The following GRINA variants were observed in gnomAD, a reference collection of about 807,000 sequenced individuals.
GRINA encodes the protein glutamate ionotropic receptor NMDA type subunit associated protein 1, also known as protein lifeguard 1.
In GRINA, 26 loss-of-function variants were observed where a neutral mutation model predicts 42.5. The observed-to-expected ratio is 0.61, with a 90% confidence interval of 0.45 to 0.85. The LOEUF (loss-of-function observed/expected upper bound fraction) is 0.85, where lower values mean the gene tolerates loss of function less well. Among genes scored for constraint, GRINA ranks in the 40% least tolerant of loss-of-function variants. GRINA has a pLI of 0.00. For missense variants in GRINA, 475 were observed against 481.5 expected, an observed-to-expected ratio of 0.99 and a Z score of 0.13; for synonymous variants, 256 against 204.2, an observed-to-expected ratio of 1.25 and a Z score of -2.17.
In GRINA at chr8:143,992,971, C is replaced by G. The variant is rs896812869; in HGVS notation, c.*130C>G. The G allele has an allele frequency of 8.7e-5, 64 of 732,262 alleles. No homozygotes were observed. The highest frequency in any genetic ancestry group is 1.3e-4 in the Non-Finnish European group (59 of 445,850). The allele number at this position is 732,262 out of a possible 1,614,324, so 45.4% of individuals were successfully genotyped here. A position where few individuals can be genotyped will look rare whatever the true frequency, so the allele number is the denominator to read the frequency against. Reference sequence around the variant, plus strand: ...ACAGCCTAGGGAAAAGGATGCCTCTCTCCAACCCTCCTGTATGTACACTGC... The same window carrying G: ...ACAGCCTAGGGAAAAGGATGCCTCTGTCCAACCCTCCTGTATGTACACTGC... On this transcript the variant is annotated 3_prime_UTR_variant, in exon 7 of 7. Transcript: ENST00000395068.
Position 143,993,230 on chromosome 8 carries a change from G to A in GRINA, c.*389G>A, listed in dbSNP as rs373972536. The stretch of plus-strand genomic sequence containing the variant: ...CCTCCTGTCCCAGCTCCCCAGCCTG[G>A]CGTAGAGCACCCCTCCCCTCCCCCC... On this transcript the variant is annotated 3_prime_UTR_variant, in exon 7 of 7. Coordinates refer to ENST00000395068, the MANE Select transcript of GRINA (RefSeq NM_001009184.2). 1.3e-3 allele frequency: 331 copies of A among 256,396 alleles called. 5 individuals are homozygous for A. The South Asian group carries it at 0.015, about 12-fold the overall frequency. The allele number at this position is 256,396 out of a possible 1,614,324, so 15.9% of individuals were successfully genotyped here.
chr8:143,991,999 C>G lies in GRINA; in HGVS notation c.614C>G (p.Ala205Gly). The change falls in exon 4 of 7, where the codon GCT (alanine) becomes GGT (glycine). Residue 205 changes from alanine to glycine, a missense_variant. By Grantham distance (60) the Ala-to-Gly change is moderately conservative. This residue lies in a region of GRINA where 321 missense variants were observed against 267.2 expected (regional missense o/e 1.20). Coordinates refer to ENST00000395068, the MANE Select transcript of GRINA (RefSeq NM_001009184.2). ...ENVWTYYVSYAVFFISLIVLS... is the reference protein window; with the variant it reads ...ENVWTYYVSYGVFFISLIVLS... The stretch of plus-strand genomic sequence containing the variant: ...GTCTGGACCTACTATGTCTCCTATG[C>G]TGTCTTCTTCATCTCTCTCATCGTC... 6.2e-7 allele frequency: 1 copy of G among 1,613,804 alleles called. No individual in the cohort carries two copies. The highest frequency in any genetic ancestry group is 8.5e-7 in the Non-Finnish European group (1 of 1,179,808).
At position 143,991,376 on chromosome 8, in the gene GRINA, C is replaced by T. The variant is rs782080494; in HGVS notation, c.153C>T (p.Pro51=). ...PYPQPPFQPS[P]YGQPGYPHGP... ...CACAGCCCCCTTTCCAGCCCTCCCC[C>T]TACGGTCAGCCAGGGTACCCCCATG... Residue 51 remains proline, a synonymous_variant, in exon 2 of 7, where the codon CCC becomes CCT. Coordinates refer to ENST00000395068, the MANE Select transcript of GRINA (RefSeq NM_001009184.2). 6.6e-6 allele frequency: 8 copies of T among 1,210,022 alleles called. 1 individual carries two copies. The South Asian group carries it at 1.2e-4, about 18-fold the overall frequency. 75.0% of individuals were successfully genotyped at this position (1,210,022 alleles called of 1,614,324 possible).
In GRINA at chr8:143,993,115, A is replaced by G. The variant is rs1834128627; in HGVS notation, c.*274A>G. The G allele has an allele frequency of 2.3e-6, 1 of 426,136 alleles. No individual in the cohort carries two copies. Among genetic ancestry groups the G allele is most frequent in the East Asian group, 4.5e-5 (1 of 22,152 alleles). 26.4% of individuals were successfully genotyped at this position (426,136 alleles called of 1,614,324 possible). ...CCTCCTGTCTACTCATTGTTGCATG[A>G]GCCCTGTCTGCCAGCCCACCCCAGG... On this transcript the variant is annotated 3_prime_UTR_variant, in exon 7 of 7. Coordinates refer to ENST00000395068, the MANE Select transcript of GRINA (RefSeq NM_001009184.2).
Position 143,992,083 on chromosome 8 carries a change from C to T in GRINA, c.693+5C>T. ...CCCTGGAACCTTGTTGCACTGGTAACCCCCAAACCTGAGCCTCTGTGCCTG... is the reference window on the plus strand; with the variant it reads ...CCCTGGAACCTTGTTGCACTGGTAATCCCCAAACCTGAGCCTCTGTGCCTG... On this transcript the variant is annotated splice_donor_5th_base_variant and intron_variant, in intron 4 of 6. Transcript: ENST00000395068. 1 of 1,612,844 alleles carries T rather than the reference C, an allele frequency of 6.2e-7. No homozygotes were observed. Among genetic ancestry groups the T allele is most frequent in the Non-Finnish European group, 8.5e-7 (1 of 1,178,922 alleles).
Position 143,991,696 on chromosome 8 carries a change from C to G in GRINA, c.384C>G (p.Pro128=). Residue 128 remains proline, a synonymous_variant, in exon 3 of 7, where the codon CCC becomes CCG. Transcript: ENST00000395068. ...QVFPGQDPDS[P]QHGNYQEEGP... ...CCCAGCCTGTCTGCTTCTCAGCACC[C>G]CAGCATGGAAACTACCAGGAGGAGG... 6.2e-7 allele frequency: 1 copy of G among 1,611,522 alleles called. No individual in the cohort carries two copies. The highest frequency in any genetic ancestry group is 1.7e-5 in the Admixed American group (1 of 60,008).
chr8:143,992,331 C>A lies in GRINA; in HGVS notation c.780C>A (p.Ile260=). ...AGGCAGTCATCATGGCCGTGGGCATCACCACAGCCGTCTGCTTCACCGTCG... is the reference window on the plus strand; with the variant it reads ...AGGCAGTCATCATGGCCGTGGGCATAACCACAGCCGTCTGCTTCACCGTCG... ...NTEAVIMAVG[I]TTAVCFTVVI... is the part of the protein sequence containing the mutation. Residue 260 remains isoleucine, a synonymous_variant, in exon 5 of 7, where the codon ATC becomes ATA. Coordinates refer to ENST00000395068, the MANE Select transcript of GRINA (RefSeq NM_001009184.2). 1.3e-6 allele frequency: 2 copies of A among 1,588,574 alleles called. No individual in the cohort carries two copies. The highest frequency in any genetic ancestry group is 1.1e-5 in the South Asian group (1 of 87,452).
At chr8:143,991,035 G>T (rs558187928) in intron 1 of GRINA, 165 bp from the exon 2 acceptor site, 3 of 445,966 alleles carry the variant, frequency 6.7e-6, no homozygotes, top group Non-Finnish European at 8.0e-6. Flanking sequence ...GTCCTCACGC[G>T]CTTCTCCGGG....
chr8:143,991,340 G>C lies in GRINA; in HGVS notation c.117G>C (p.Gly39=). 7.2e-7 allele frequency: 1 copy of C among 1,381,466 alleles called. No individual in the cohort carries two copies. Among genetic ancestry groups the C allele is most frequent in the South Asian group, 1.4e-5 (1 of 70,942 alleles). The allele number at this position is 1,381,466 out of a possible 1,614,324, so 85.6% of individuals were successfully genotyped here. Residue 39 remains glycine, a synonymous_variant, in exon 2 of 7, where the codon GGG becomes GGC. Transcript: ENST00000395068. ...CCTATGCTCAGCCTCCCTACCCTGG[G>C]GCCCCTTACCCACAGCCCCCTTTCC... The part of the protein sequence containing the change: ...MPPYAQPPYP[G]APYPQPPFQP...
Position 143,990,391 on chromosome 8 carries a change from C to T in GRINA, c.-25+192C>T, listed in dbSNP as rs1834071041. The T allele has an allele frequency of 6.6e-6, 1 of 151,446 alleles. No individual in the cohort carries two copies. Among genetic ancestry groups the T allele is most frequent in the Non-Finnish European group, 1.5e-5 (1 of 67,618 alleles). 9.4% of individuals were successfully genotyped at this position (151,446 alleles called of 1,614,324 possible). On this transcript the variant is annotated intron_variant, in intron 1 of 6. Coordinates refer to ENST00000395068, the MANE Select transcript of GRINA (RefSeq NM_001009184.2). This position sits in a 1 kb window ranked among gnomAD's most constrained non-coding sequence, Gnocchi z 5.6. ...CGGTGGTGGGGGCGGGGAGCCGCGGCGGCCTGGAGCCGGAGGGAGGGGGCG... is the reference window on the plus strand; with the variant it reads ...CGGTGGTGGGGGCGGGGAGCCGCGGTGGCCTGGAGCCGGAGGGAGGGGGCG...
At position 143,991,180 on chromosome 8, in the gene GRINA, TC is replaced by T. The variant is rs782081768; in HGVS notation, c.-24-18del. On this transcript the variant is annotated intron_variant, in intron 1 of 6. Coordinates refer to ENST00000395068, the MANE Select transcript of GRINA (RefSeq NM_001009184.2). ...GTCGTCAAGCCAACTGTTCCACTGT[TC>T]CTTGTCTGTCTTCTCTAGGGGCGGA... 146 of 1,463,622 alleles carry T rather than the reference TC, an allele frequency of 1.0e-4. No homozygotes were observed. The highest frequency in any genetic ancestry group is 1.2e-4 in the Non-Finnish European group (129 of 1,088,154). The allele number at this position is 1,463,622 out of a possible 1,614,324, so 90.7% of individuals were successfully genotyped here.
chr8:143,992,910 T>C lies in GRINA; in HGVS notation c.*69T>C. 1 of 1,389,018 alleles carries C rather than the reference T, an allele frequency of 7.2e-7. No homozygotes were observed. The highest frequency in any genetic ancestry group is 1.0e-6 in the Non-Finnish European group (1 of 1,002,248). 86.0% of individuals were successfully genotyped at this position (1,389,018 alleles called of 1,614,324 possible). A position where few individuals can be genotyped will look rare whatever the true frequency, so the allele number is the denominator to read the frequency against. ...CTGGACCCTGCCCCTGGCACGGCAG[T>C]GCCAGCTGTACTTCCCCTCTCTCTT... On this transcript the variant is annotated 3_prime_UTR_variant, in exon 7 of 7. Transcript: ENST00000395068.
In GRINA at chr8:143,991,548, T is replaced by G; in HGVS notation, c.325T>G (p.Phe109Val). 1 of 1,302,308 alleles carries G rather than the reference T, an allele frequency of 7.7e-7. No homozygotes were observed. The highest frequency in any genetic ancestry group is 1.1e-6 in the Non-Finnish European group (1 of 919,274). 80.7% of individuals were successfully genotyped at this position (1,302,308 alleles called of 1,614,324 possible). ...YPQGPYPQSP[F>V]PPNPYGQPQV... ...CCAGGGGCCATATCCCCAGAGCCCC[T>G]TCCCCCCCAACCCCTATGGACAGCC... is the stretch of plus-strand genomic sequence containing the variant. Residue 109 changes from phenylalanine to valine, a missense_variant, in exon 2 of 7, where the codon TTC (phenylalanine) becomes GTC (valine). This residue lies in a region of GRINA where 321 missense variants were observed against 267.2 expected (regional missense o/e 1.20). Transcript: ENST00000395068.
chr8:143,991,437 G>T lies in GRINA; in HGVS notation c.214G>T (p.Gly72Cys). The change falls in exon 2 of 7, where the codon GGT (glycine) becomes TGT (cysteine). Residue 72 changes from glycine (G) to cysteine (C), a missense_variant. Transcript: ENST00000395068. ...CTACCCCCAAGGGGGCTACCCACAG[G>T]GTCCCTACCCCCAAGGGGGCTACCC... The part of the protein sequence containing the change: ...SPYPQGGYPQ[G>C]PYPQGGYPQG... 1 of 1,453,140 alleles carries T rather than the reference G, an allele frequency of 6.9e-7. No homozygotes were observed. Among genetic ancestry groups the T allele is most frequent in the East Asian group, 2.5e-5 (1 of 40,186 alleles). 90.0% of individuals were successfully genotyped at this position (1,453,140 alleles called of 1,614,324 possible). A position where few individuals can be genotyped will look rare whatever the true frequency, so the allele number is the denominator to read the frequency against.
rs782584550 is a variant in GRINA at position 143,991,218 on chromosome 8, G to A, written c.-6G>A. ...TCTCTAGGGGCGGACCGCGGAACCC[G>A]AGGCCATGTCCCATGAAAAGAGTTT... is the stretch of plus-strand genomic sequence containing the variant. On this transcript the variant is annotated 5_prime_UTR_variant, in exon 2 of 7. Coordinates refer to ENST00000395068, the MANE Select transcript of GRINA (RefSeq NM_001009184.2). The A allele has an allele frequency of 7.7e-6, 12 of 1,567,716 alleles. No homozygotes were observed. Among genetic ancestry groups the A allele is most frequent in the East Asian group, 2.4e-5 (1 of 41,628 alleles).
At position 143,991,471 on chromosome 8, in the gene GRINA, CCTACCCACAAGAGGG is replaced by C. The variant is rs1229805942; in HGVS notation, c.258_272del (p.Glu87_Gln91del). 5 of 1,508,530 alleles carry C rather than the reference CCTACCCACAAGAGGG, an allele frequency of 3.3e-6. No homozygotes were observed. The highest frequency in any genetic ancestry group is 4.4e-6 in the Non-Finnish European group (5 of 1,133,552). The allele number at this position is 1,508,530 out of a possible 1,614,324, so 93.4% of individuals were successfully genotyped here. On this transcript the variant is annotated inframe_deletion, in exon 2 of 7. Coordinates refer to ENST00000395068, the MANE Select transcript of GRINA (RefSeq NM_001009184.2). ...CCCCAAGGGGGCTACCCACAGGGCC[CCTACCCACAAGAGGG>C]CTACCCACAGGGCCCCTACCCCCAA...
rs909751903 is a variant in GRINA at position 143,992,349 on chromosome 8, C to G, written c.798C>G (p.Phe266Leu). 20 of 1,594,576 alleles carry G rather than the reference C, an allele frequency of 1.3e-5. No homozygotes were observed. The highest frequency in any genetic ancestry group is 1.6e-5 in the Non-Finnish European group (19 of 1,168,024). ...TGGGCATCACCACAGCCGTCTGCTT[C>G]ACCGTCGTCATCTTCTCCATGCAGG... Reference protein sequence around the residue: ...MAVGITTAVCFTVVIFSMQTR... With the variant: ...MAVGITTAVCLTVVIFSMQTR... Residue 266 changes from phenylalanine to leucine, a missense_variant, in exon 5 of 7, where the codon TTC (phenylalanine) becomes TTG (leucine). Phe to Leu is a conservative substitution (Grantham distance 22). Coordinates refer to ENST00000395068, the MANE Select transcript of GRINA (RefSeq NM_001009184.2).
Position 143,992,591 on chromosome 8 carries a change from G to C in GRINA, c.949G>C (p.Ala317Pro). Residue 317 changes from alanine to proline, a missense_variant, in exon 6 of 7, where the codon GCT (alanine) becomes CCT (proline). Transcript: ENST00000395068. Reference sequence around the variant, plus strand: ...GGAGATCGTGTACGCCTCACTGGGCGCTCTGCTCTTCACCTGCGTGAGTGA... The same window carrying C: ...GGAGATCGTGTACGCCTCACTGGGCCCTCTGCTCTTCACCTGCGTGAGTGA... ...ILEIVYASLG[A>P]LLFTCFLAVD... is the part of the protein sequence containing the mutation. 6.2e-7 allele frequency: 1 copy of C among 1,614,134 alleles called. No homozygotes were observed. The highest frequency in any genetic ancestry group is 8.5e-7 in the Non-Finnish European group (1 of 1,180,022).
Position 143,991,310 on chromosome 8 carries a change from G to A in GRINA, c.87G>A (p.Met29Ile), listed in dbSNP as rs964023355. ...ATCCGGGGGGGCCCCAGCCACCCAT[G>A]CCCCCCTATGCTCAGCCTCCCTACC... ...PGYPGGPQPP[M>I]PPYAQPPYPG... The change falls in exon 2 of 7, where the codon ATG (methionine) becomes ATA (isoleucine). Residue 29 changes from methionine (M) to isoleucine (I), a missense_variant. Physicochemically the swap from Met to Ile is conservative, Grantham distance 10 (BLOSUM62 1). Around this residue, in one of 2 missense-constraint regions of GRINA, gnomAD observed 321 missense variants for 267.2 expected, o/e 1.20. Transcript: ENST00000395068. The A allele has an allele frequency of 4.0e-5, 56 of 1,391,442 alleles. No individual in the cohort carries two copies. The highest frequency in any genetic ancestry group is 5.1e-5 in the Non-Finnish European group (52 of 1,024,098). 86.2% of individuals were successfully genotyped at this position (1,391,442 alleles called of 1,614,324 possible). A position where few individuals can be genotyped will look rare whatever the true frequency, so the allele number is the denominator to read the frequency against.
Sources: gnomAD v4.1 joint callset for allele counts on GRCh38, gnomAD v4.1.1 for gene constraint, gnomAD v4.1.1 regional missense constraint, Gnocchi (gnomAD v3.1) non-coding constraint, MANE v1.5 for transcripts, NCBI Gene and HGNC (gene_info 2026-07-23, HGNC 2026-07-21) for gene names.